CSMD2: variants seen among roughly 807,000 people sequenced by gnomAD.
CSMD2 encodes the protein CUB and Sushi multiple domains 2.
A neutral mutation model predicts 398.5 loss-of-function variants in CSMD2; 130 were observed. The ratio of observed to expected loss-of-function variants is 0.33; its 90% confidence interval spans 0.28 to 0.38. The LOEUF (loss-of-function observed/expected upper bound fraction) is 0.38. CSMD2 is among the 10% of genes least tolerant of loss of function. The pLI, the probability that CSMD2 is intolerant of heterozygous loss-of-function variation, is 1.00. For missense variants in CSMD2, 3,829 were observed against 4,764.9 expected (o/e 0.80, Z 5.78); for synonymous variants, 1,828 against 1,908.5 (o/e 0.96, Z 1.10).
chr1:34,132,164 G>A (rs181934720), intron 1 of CSMD2, among the ~76,000 whole-genome samples: 5 of 152,204 alleles, frequency 3.3e-5, no homozygotes, highest in Admixed American at 3.3e-4. Context: ...ACAGACTCGG[G>A]ATGGATGTCA....
intron 5 of CSMD2, among the ~76,000 whole-genome samples, chr1:33,854,529 C>A (rs968905172): frequency 1.3e-5 from 2 of 152,172 alleles, no homozygotes; most frequent in African/African-American, 4.8e-5. Flanking sequence ...GACATGCTTC[C>A]CCAGTCCTAG....
intron 1 of CSMD2, among the ~76,000 whole-genome samples, chr1:34,098,863 A>C (rs1659673503): frequency 6.6e-6 from 1 of 152,216 alleles, no homozygotes; most frequent in African/African-American, 2.4e-5. Flanking sequence ...TTTTAGCATA[A>C]TAGCTGTGGA....
At chr1:33,674,389 A>G (rs886974962) in intron 25 of CSMD2, among the ~76,000 whole-genome samples, 2 of 152,170 alleles carry the variant, frequency 1.3e-5, no homozygotes, top group African/African-American at 4.8e-5. Context: ...AAAGGGATCA[A>G]TTCAACAAGA....
At chr1:34,108,383 C>G (rs937602878) in intron 1 of CSMD2, among the ~76,000 whole-genome samples, 3 of 152,154 alleles carry the variant, frequency 2.0e-5, no homozygotes, top group African/African-American at 7.2e-5. Context: ...GGTCAAGTCC[C>G]TTAGTCACTT....
At chr1:33,976,951 C>T (rs1645988471) in intron 3 of CSMD2, among the ~76,000 whole-genome samples, 1 of 151,840 alleles carries the variant, frequency 6.6e-6, no homozygotes, top group Non-Finnish European at 1.5e-5. Context: ...AAAGAAGTGG[C>T]AGTTTATGGG....
intron 44 of CSMD2, among the ~76,000 whole-genome samples, chr1:33,598,184 G>T (rs1354289503): frequency 6.6e-6 from 1 of 152,140 alleles, no homozygotes; most frequent in African/African-American, 2.4e-5. Context: ...TTTTTCTTAG[G>T]CTCAATGATG....
intron 15 of CSMD2, among the ~76,000 whole-genome samples, chr1:33,732,645 C>A (rs1467469318): frequency 6.6e-6 from 1 of 152,204 alleles, no homozygotes; most frequent in African/African-American, 2.4e-5. Flanking sequence ...GTTTAAGGCA[C>A]CAAGTCTGTG....
At chr1:33,939,739 T>A (rs1177917385) in intron 3 of CSMD2, among the ~76,000 whole-genome samples, 2 of 152,132 alleles carry the variant, frequency 1.3e-5, no homozygotes, top group African/African-American at 4.8e-5. Context: ...GACCTGGGTG[T>A]AATGAATGGG....
At chr1:33,822,914 G>A (rs1023266958) in intron 7 of CSMD2, among the ~76,000 whole-genome samples, 4 of 152,128 alleles carry the variant, frequency 2.6e-5, no homozygotes, top group Non-Finnish European at 2.9e-5. Flanking sequence ...TGTGACCCAC[G>A]AGTCATACCC....
chr1:34,144,154 G>T (rs1178381189), intron 1 of CSMD2, among the ~76,000 whole-genome samples: 3 of 152,184 alleles, frequency 2.0e-5, no homozygotes, highest in Admixed American at 6.5e-5. Context: ...CTGAGTCCAA[G>T]GTGGGTGGGG....
chr1:34,016,970 AC>A (rs1370641601), intron 3 of CSMD2, among the ~76,000 whole-genome samples: 1 of 152,212 alleles, frequency 6.6e-6, no homozygotes, highest in Non-Finnish European at 1.5e-5. Flanking sequence ...GAGTATTACA[AC>A]CAAGGGTACG....
chr1:33,556,364 C>T (rs979392153), intron 55 of CSMD2, among the ~76,000 whole-genome samples: 1 of 152,146 alleles, frequency 6.6e-6, no homozygotes, highest in Non-Finnish European at 1.5e-5. Context: ...TACCAGGCTC[C>T]TGTTAGACCT....
intron 27 of CSMD2, among the ~76,000 whole-genome samples, chr1:33,656,223 C>G (rs1438554902): frequency 6.6e-6 from 1 of 152,106 alleles, no homozygotes; most frequent in East Asian, 1.9e-4. Flanking sequence ...TGTCCTCACC[C>G]CACAATGCCA....
intron 3 of CSMD2, among the ~76,000 whole-genome samples, chr1:33,958,531 T>C (rs1382709029): frequency 1.3e-5 from 2 of 152,186 alleles, no homozygotes; most frequent in Admixed American, 6.5e-5. Flanking sequence ...GAGTTGACTT[T>C]GAGTTAATCC....
intron 37 of CSMD2, among the ~76,000 whole-genome samples, chr1:33,618,858 C>A (rs1641571604): frequency 6.6e-6 from 1 of 151,958 alleles, no homozygotes; most frequent in African/African-American, 2.4e-5. Flanking sequence ...CAGTCTGACC[C>A]CAGGTCGGCC....
intron 2 of CSMD2, among the ~76,000 whole-genome samples, chr1:34,069,852 AT>A (rs778968201): frequency 3.9e-5 from 6 of 152,232 alleles, no homozygotes; most frequent in Non-Finnish European, 8.8e-5. Context: ...TAGATACCTT[AT>A]TTTTCATTTG....
At chr1:34,039,899 T>C (rs972266924) in intron 2 of CSMD2, among the ~76,000 whole-genome samples, 2 of 152,148 alleles carry the variant, frequency 1.3e-5, no homozygotes, top group Non-Finnish European at 2.9e-5. Context: ...ACACCTGTAA[T>C]CCCAGCACTT....
intron 3 of CSMD2, among the ~76,000 whole-genome samples, chr1:34,014,401 T>C (rs1647790151): frequency 6.6e-6 from 1 of 152,232 alleles, no homozygotes; most frequent in Non-Finnish European, 1.5e-5. Flanking sequence ...TCCAACTTTA[T>C]CTCTTCCTAC....
At chr1:33,718,138 A>T (rs746369177) in intron 19 of CSMD2, among the ~76,000 whole-genome samples, 18 of 152,302 alleles carry the variant, frequency 1.2e-4, no homozygotes, top group Non-Finnish European at 1.9e-4. Context: ...TATGTGGTAG[A>T]GCTAGGATCT....
Sources: allele counts gnomAD v4.1 joint callset (sites outside exome capture counted in the v4.1 genomes callset), GRCh38; gene constraint gnomAD v4.1.1; transcripts MANE v1.5; gene names NCBI Gene and HGNC (gene_info 2026-07-23, HGNC 2026-07-21).